The following DAB2IP variants were observed in gnomAD, a reference collection of about 807,000 sequenced individuals.
DAB2IP encodes the protein disabled homolog 2-interacting protein.
DAB2IP carries 28 observed loss-of-function variants against 107.2 expected under a neutral mutation model. That is an observed-to-expected ratio of 0.26 (90% CI 0.19 to 0.36). The LOEUF is 0.36. DAB2IP is among the 10% of genes least tolerant of loss of function. The pLI, the probability that DAB2IP is intolerant of heterozygous loss-of-function variation, is 1.00. For synonymous variants in DAB2IP, 755 were observed against 706.4 expected (o/e 1.07, Z -1.09); for missense variants, 1,400 against 1,644.7 (o/e 0.85, Z 2.57).
intron 1 of DAB2IP, among the ~76,000 whole-genome samples, chr9:121,595,861 C>T (rs987511420): frequency 6.6e-6 from 1 of 152,258 alleles, no homozygotes; most frequent in South Asian, 2.1e-4. Context: ...TGCCACCAGT[C>T]ACGTAGTTTG....
chr9:121,777,729 TACATTTAGGCTG>T (rs1453584548), intron 14 of DAB2IP, among the ~76,000 whole-genome samples: 6 of 152,262 alleles, frequency 3.9e-5, no homozygotes, highest in African/African-American at 1.4e-4. Flanking sequence ...TAGGTGCATA[TACATTTAGGCTG>T]TTTATGTACT....
intron 1 of DAB2IP, among the ~76,000 whole-genome samples, chr9:121,658,768 G>A (rs995336927): frequency 3.6e-4 from 55 of 152,300 alleles, no homozygotes; most frequent in Admixed American, 2.7e-3. Flanking sequence ...CACCGAGGAC[G>A]CCCATCACGC....
rs1831977259 is a variant in DAB2IP, at chr9:121,633,674, A to G, written c.41-45004A>G. Among the ~76,000 whole-genome samples, 1 of 152,174 alleles carries G rather than the reference A, an allele frequency of 6.6e-6. No homozygotes were observed. ...TTGCCCAGAGACAGCAGTGACCAGG[A>G]CAGACATTGCCCCAGGGTTTGGCCA... On this transcript the variant is annotated intron_variant, in intron 1 of 16. Coordinates refer to the DAB2IP transcript ENST00000259371. The surrounding 1 kb of genome is among the most constrained non-coding windows in gnomAD (Gnocchi z 5.1).
At chr9:121,572,099 A>G (rs935502387) in intron 1 of DAB2IP, among the ~76,000 whole-genome samples, 1 of 152,156 alleles carries the variant, frequency 6.6e-6, no homozygotes, top group Non-Finnish European at 1.5e-5. Context: ...AGAAGGGGGC[A>G]AGACAGAGGC....
At chr9:121,710,162 G>A (rs572194521) in intron 3 of DAB2IP, among the ~76,000 whole-genome samples, 1 of 152,218 alleles carries the variant, frequency 6.6e-6, no homozygotes, top group Non-Finnish European at 1.5e-5. Flanking sequence ...TACAGGTGAG[G>A]AATTTGAGGT....
chr9:121,593,679 T>C (rs1255844375), intron 1 of DAB2IP, among the ~76,000 whole-genome samples: 4 of 149,112 alleles, frequency 2.7e-5, no homozygotes, highest in Non-Finnish European at 5.9e-5. Flanking sequence ...TTTTCTTTTT[T>C]TTTTTTGTGA....
intron 1 of DAB2IP, among the ~76,000 whole-genome samples, chr9:121,602,692 C>T (rs1469425130): frequency 6.6e-6 from 1 of 152,310 alleles, no homozygotes; most frequent in Admixed American, 6.5e-5. Context: ...TCTCCTGCCT[C>T]AGCCTCCCAA....
rs773009157 is a variant in DAB2IP, at chr9:121,701,476, T to G, written c.362+2018T>G. 3.9e-5 allele frequency among the ~76,000 whole-genome samples: 6 copies of G among 152,150 alleles called. No homozygotes were observed. Among genetic ancestry groups the G allele is most frequent in the South Asian group, 2.1e-4 (1 of 4,832 alleles). ...AATGTCACTGGCAGCGGTGTGGAAT[T>G]GTCTTATTAATTTTCTATAAACAAA... On this transcript the variant is annotated intron_variant, in intron 3 of 15. Coordinates refer to ENST00000408936, the Ensembl canonical transcript of DAB2IP. The surrounding 1 kb of genome is among the most constrained non-coding windows in gnomAD (Gnocchi z 4.7).
chr9:121,577,384 G>A (rs957224280), intron 1 of DAB2IP, among the ~76,000 whole-genome samples: 1 of 152,346 alleles, frequency 6.6e-6, no homozygotes, highest in Middle Eastern at 3.4e-3. Flanking sequence ...TCCAGCCGGT[G>A]ACCTACATTC....
At chr9:121,577,272 G>A (rs921563027) in intron 1 of DAB2IP, among the ~76,000 whole-genome samples, 7 of 152,176 alleles carry the variant, frequency 4.6e-5, no homozygotes, top group African/African-American at 9.7e-5. Context: ...AGATTGTCTC[G>A]GGAGAGTGGG....
At chr9:121,774,545 T>C (rs916196441) in intron 13 of DAB2IP, 133 bp downstream of exon 13, 6 of 1,060,188 alleles carry the variant, frequency 5.7e-6, no homozygotes, top group Non-Finnish European at 7.8e-6. Flanking sequence ...TCTGAGCCCC[T>C]GTTCCCTGTG....
rs370109988 is a variant in DAB2IP at position 121,772,829 on chromosome 9, C to T, written c.2301C>T (p.Pro767=). 199 of 1,604,246 alleles carry T rather than the reference C, an allele frequency of 1.2e-4. No homozygotes were observed. Among genetic ancestry groups the T allele is most frequent in the Non-Finnish European group, 1.5e-4 (177 of 1,177,102 alleles). Residue 767 remains proline, a synonymous_variant, in exon 12 of 16, where the codon CCC becomes CCT. Transcript: ENST00000408936. The surrounding 1 kb of genome is among the most constrained non-coding windows in gnomAD (Gnocchi z 4.7). ...GGGAGGCAGGCTCCCCGGCGGGCCC[C>T]GACGTCCTCCCCACAGATGGGCAGG...
At position 121,776,357 on chromosome 9, in the gene DAB2IP, G is replaced by A. The variant is rs1835199496; in HGVS notation, c.3280G>A (p.Asp1094Asn). 6.4e-7 allele frequency: 1 copy of A among 1,550,804 alleles called. No individual in the cohort carries two copies. Among genetic ancestry groups the A allele is most frequent in the Admixed American group, 2.0e-5 (1 of 50,978 alleles). ...GGAGCGGCTGCGGCGGCAGCAGGAG[G>A]ACAAGGACATCCAGATGAAGGGCAT... Residue 1094 changes from aspartate to asparagine, a missense_variant, in exon 14 of 16, where the codon GAC (aspartate) becomes AAC (asparagine). Asp to Asn is a conservative substitution (Grantham distance 23, BLOSUM62 1). This residue lies in a region of DAB2IP where 600 missense variants were observed against 659.1 expected (regional missense o/e 0.91). Transcript: ENST00000408936. This position sits in a 1 kb window ranked among gnomAD's most constrained non-coding sequence, Gnocchi z 5.4.
At chr9:121,733,825 CG>C (rs1286812079) in intron 3 of DAB2IP, among the ~76,000 whole-genome samples, 3 of 152,108 alleles carry the variant, frequency 2.0e-5, no homozygotes, top group Non-Finnish European at 4.4e-5. Context: ...GTGAGAAAGG[CG>C]GGGCATGCAC....
Position 121,782,727 on chromosome 9 carries a change from G to C in DAB2IP, c.*229G>C. ...CTCCCTGTGGGGTGCGGGCAGAAGA[G>C]ACTGCACGCTGGGGAGTGGGGACAG... On this transcript the variant is annotated 3_prime_UTR_variant, in exon 16 of 16. Coordinates refer to ENST00000408936, the Ensembl canonical transcript of DAB2IP. This position sits in a 1 kb window ranked among gnomAD's most constrained non-coding sequence, Gnocchi z 6.1. 1 of 1,394,604 alleles carries C rather than the reference G, an allele frequency of 7.2e-7. No homozygotes were observed. Among genetic ancestry groups the C allele is most frequent in the Non-Finnish European group, 9.3e-7 (1 of 1,075,570 alleles). 86.4% of individuals were successfully genotyped at this position (1,394,604 alleles called of 1,614,324 possible).
At chr9:121,640,366 GC>G (rs570403631) in intron 1 of DAB2IP, among the ~76,000 whole-genome samples, 76 of 152,220 alleles carry the variant, frequency 5.0e-4, no homozygotes, top group African/African-American at 1.7e-3. Context: ...TGTCAGGGGG[GC>G]GACAATGAGA....
At chr9:121,614,738 T>TTTCTTTC (rs1491584700) in intron 1 of DAB2IP, among the ~76,000 whole-genome samples, 6 of 3,724 alleles carry the variant, frequency 1.6e-3, no homozygotes, top group African/African-American at 1.7e-3. Flanking sequence ...TCTTTCTTTC[T>TTTCTTTC]TTTTTTTTTT....
chr9:121,773,515 G>A lies in DAB2IP; in HGVS notation c.2967+20G>A. The A allele has an allele frequency of 6.9e-7, 1 of 1,454,206 alleles. No individual in the cohort carries two copies. The highest frequency in any genetic ancestry group is 1.4e-5 in the African/African-American group (1 of 69,746). 90.1% of individuals were successfully genotyped at this position (1,454,206 alleles called of 1,614,324 possible). The stretch of plus-strand genomic sequence containing the variant: ...AAGCAGGTCAGTGCTGCTAGTCAGA[G>A]GGCAGGGCTGGGCACTTGGGCCCAG... On this transcript the variant is annotated intron_variant, in intron 12 of 15. Coordinates refer to ENST00000408936, the Ensembl canonical transcript of DAB2IP.
chr9:121,595,176 C>T lies in DAB2IP; in HGVS notation c.40+27948C>T, dbSNP rs561720745. 3.9e-5 allele frequency among the ~76,000 whole-genome samples: 6 copies of T among 151,974 alleles called. No individual in the cohort carries two copies. In the East Asian group the frequency reaches 5.8e-4, roughly 15 times the overall value. On this transcript the variant is annotated intron_variant, in intron 1 of 16. Coordinates refer to the DAB2IP transcript ENST00000259371. Reference sequence around the variant, plus strand: ...AAAGGATGACCAGGTTATTAAAATACGGAAACTGAAGTTCAGAGTAGGACT... The same window carrying T: ...AAAGGATGACCAGGTTATTAAAATATGGAAACTGAAGTTCAGAGTAGGACT...
Sources: gnomAD v4.1 joint callset for allele counts (sites outside exome capture counted in the v4.1 genomes callset) on GRCh38, gnomAD v4.1.1 for gene constraint, gnomAD v4.1.1 regional missense constraint, Gnocchi (gnomAD v3.1) non-coding constraint, MANE v1.5 for transcripts, NCBI Gene and HGNC (gene_info 2026-07-23, HGNC 2026-07-21) for gene names.